Variants in RAPGEF1 observed in about 807,000 individuals in gnomAD.
The protein encoded by RAPGEF1 is CRK SH3-binding GNRP.
A neutral mutation model predicts 143.3 loss-of-function variants in RAPGEF1; 33 were observed. The ratio of observed to expected loss-of-function variants is 0.23; its 90% CI spans 0.17 to 0.31. The LOEUF (loss-of-function observed/expected upper bound fraction) is 0.31. Ranked by LOEUF, RAPGEF1 falls within the 10% of genes least tolerant of loss-of-function variation. RAPGEF1 has a pLI of 1.00. For synonymous variants in RAPGEF1, 629 were observed against 676.5 expected, an observed-to-expected ratio of 0.93 and a Z score of 1.09; for missense variants, 1,199 against 1,645.4, an observed-to-expected ratio of 0.73 and a Z score of 4.69.
chr9:131,697,061 T>A (rs892269998), intron 1 of RAPGEF1, among the ~76,000 whole-genome samples: 5 of 152,220 alleles, frequency 3.3e-5, no homozygotes, highest in African/African-American at 4.8e-5. Flanking sequence ...AGCGGGGCTA[T>A]TTTCTCTTAG....
At chr9:131,608,295 A>ATC (rs1957434664) in intron 12 of RAPGEF1, among the ~76,000 whole-genome samples, 1 of 152,134 alleles carries the variant, frequency 6.6e-6, no homozygotes, top group Admixed American at 6.5e-5. Flanking sequence ...GCCCTAAATA[A>ATC]CAGTACTGGG....
intron 5 of RAPGEF1, among the ~76,000 whole-genome samples, chr9:131,633,792 A>C (rs573267937): frequency 1.3e-5 from 2 of 152,312 alleles, no homozygotes; most frequent in Non-Finnish European, 2.9e-5. Flanking sequence ...ACTTGCCTTA[A>C]CTATCACAGA....
At chr9:131,681,035 A>G (rs1360344874) in intron 1 of RAPGEF1, among the ~76,000 whole-genome samples, 1 of 152,116 alleles carries the variant, frequency 6.6e-6, no homozygotes. Context: ...CAGGGTAACA[A>G]TAGGACAAGT....
chr9:131,689,109 G>C (rs1191911784), intron 1 of RAPGEF1, among the ~76,000 whole-genome samples: 1 of 152,220 alleles, frequency 6.6e-6, no homozygotes, highest in Non-Finnish European at 1.5e-5. Context: ...TGCTTAGGGT[G>C]ATGGAACAGA....
chr9:131,622,062 C>T (rs1961264120), intron 10 of RAPGEF1, 64 bp from the exon 11 acceptor site: 1 of 1,473,278 alleles, frequency 6.8e-7, no homozygotes, highest in Admixed American at 1.9e-5. Flanking sequence ...ACCCCTCCCC[C>T]CATTCTTCCC....
intron 19 of RAPGEF1, 78 bp downstream of exon 19, chr9:131,589,808 C>T (rs561630985): frequency 4.3e-5 from 59 of 1,375,584 alleles, no homozygotes; most frequent in South Asian, 1.4e-4. Flanking sequence ...TGCCCAGAGC[C>T]GATGGGCAGG....
intron 16 of RAPGEF1, among the ~76,000 whole-genome samples, chr9:131,596,583 A>G (rs1955330250): frequency 1.3e-5 from 2 of 152,192 alleles, no homozygotes; most frequent in South Asian, 4.1e-4. Flanking sequence ...ACAGGCACAA[A>G]CTGGACTGTG....
At chr9:131,592,236 G>C (rs934823479) in intron 17 of RAPGEF1, 53 bp from the exon 18 acceptor site, 9 of 1,433,298 alleles carry the variant, frequency 6.3e-6, no homozygotes, top group Non-Finnish European at 8.8e-6. Flanking sequence ...GTGCTGGGGG[G>C]TGGTAGCCAG....
chr9:131,622,801 CTT>C (rs1961598414), intron 10 of RAPGEF1, among the ~76,000 whole-genome samples: 1 of 150,186 alleles, frequency 6.7e-6, no homozygotes, highest in Non-Finnish European at 1.5e-5. Flanking sequence ...GAGTTTCGCT[CTT>C]GTTGCCCAGG....
At chr9:131,735,497 A>G (rs553768709) in intron 1 of RAPGEF1, among the ~76,000 whole-genome samples, 1 of 152,306 alleles carries the variant, frequency 6.6e-6, no homozygotes, top group Admixed American at 6.5e-5. Flanking sequence ...AGGCAGCACG[A>G]CATCTGCTGA....
intron 1 of RAPGEF1, among the ~76,000 whole-genome samples, chr9:131,712,388 C>A (rs1835570679): frequency 6.6e-6 from 1 of 152,190 alleles, no homozygotes; most frequent in Non-Finnish European, 1.5e-5. Context: ...GTCCCCACCC[C>A]CTGGAATGCA....
At chr9:131,607,354 G>A (rs1004534686) in intron 12 of RAPGEF1, among the ~76,000 whole-genome samples, 2 of 152,154 alleles carry the variant, frequency 1.3e-5, no homozygotes, top group South Asian at 2.1e-4. Context: ...CAGGCTCCAC[G>A]CAACACTTCA....
At chr9:131,732,983 G>A (rs1265409422) in intron 1 of RAPGEF1, among the ~76,000 whole-genome samples, 1 of 152,062 alleles carries the variant, frequency 6.6e-6, no homozygotes, top group East Asian at 1.9e-4. Context: ...CATTGATCTG[G>A]GGCATTTCCA....
chr9:131,579,892 T>C (rs1393214260), intron 26 of RAPGEF1, among the ~76,000 whole-genome samples: 1 of 152,158 alleles, frequency 6.6e-6, no homozygotes, highest in African/African-American at 2.4e-5. Flanking sequence ...CCCCAGGTGA[T>C]CCCACTGCCC....
chr9:131,577,484 TGCA>T lies in RAPGEF1; in HGVS notation c.*2010_*2012del, dbSNP rs1951339435. The T allele has an allele frequency of 6.6e-6, 1 of 152,308 alleles. No homozygotes were observed. Among genetic ancestry groups the T allele is most frequent in the South Asian group, 2.1e-4 (1 of 4,840 alleles). 9.4% of individuals were successfully genotyped at this position (152,308 alleles called of 1,614,324 possible). A position where few individuals can be genotyped will look rare whatever the true frequency, so the allele number is the denominator to read the frequency against. ...GAGTGAGAGGCCTGGTTTCTGAGGC[TGCA>T]GCATGGCACTGGCATTGCCTGTGCT... On this transcript the variant is annotated 3_prime_UTR_variant, in exon 27 of 27. Coordinates refer to ENST00000683357, the MANE Select transcript of RAPGEF1 (RefSeq NM_001377935.1).
intron 3 of RAPGEF1, among the ~76,000 whole-genome samples, chr9:131,649,675 T>C (rs1329905661): frequency 6.6e-6 from 1 of 152,158 alleles, no homozygotes; most frequent in East Asian, 1.9e-4. Context: ...GACACAGGTG[T>C]CTGGGGCTCT....
rs1188964963 is a variant in RAPGEF1 at position 131,576,896 on chromosome 9, TGGAGGTCGTGGGGCC to T, written c.*2586_*2600del. The stretch of plus-strand genomic sequence containing the variant: ...GCATATATATTACAATGTAACCCTG[TGGAGGTCGTGGGGCC>T]GGAGCGGGAAGATGCTCCCCAGAAT... On this transcript the variant is annotated 3_prime_UTR_variant, in exon 27 of 27. Transcript: ENST00000683357. The T allele has an allele frequency of 1.3e-5, 2 of 152,178 alleles. No homozygotes were observed. The highest frequency in any genetic ancestry group is 3.8e-4 in the East Asian group (2 of 5,196). The allele number at this position is 152,178 out of a possible 1,614,324, so 9.4% of individuals were successfully genotyped here.
intron 1 of RAPGEF1, among the ~76,000 whole-genome samples, chr9:131,677,523 T>C (rs1832514800): frequency 6.6e-6 from 1 of 152,352 alleles, no homozygotes; most frequent in African/African-American, 2.4e-5. Flanking sequence ...TTGAATGTTA[T>C]TCTAGGCACA....
intron 3 of RAPGEF1, among the ~76,000 whole-genome samples, chr9:131,646,608 G>T (rs762534435): frequency 2.0e-5 from 3 of 152,122 alleles, no homozygotes; most frequent in African/African-American, 7.2e-5. Context: ...TGCCGCAGCC[G>T]GGACACCCGA....
Sources: gnomAD v4.1 joint callset for allele counts (sites outside exome capture counted in the v4.1 genomes callset) on GRCh38, gnomAD v4.1.1 for gene constraint, MANE v1.5 for transcripts, NCBI Gene and HGNC (gene_info 2026-07-23, HGNC 2026-07-21) for gene names.